Variants in CDKL4 observed in about 807,000 individuals in gnomAD.
CDKL4 encodes the protein cyclin dependent kinase like 4.
A neutral mutation model predicts 42.0 loss-of-function variants in CDKL4; 44 were observed. The ratio of observed to expected loss-of-function variants is 1.05; its 90% confidence interval spans 0.82 to 1.35. CDKL4 has a LOEUF of 1.35. Among genes scored for constraint, CDKL4 ranks in the 40% most tolerant of loss-of-function variants. The pLI is 0.00. For synonymous variants in CDKL4, 120 were observed against 121.6 expected, an observed-to-expected ratio of 0.99 and a Z score of 0.09; for missense variants, 393 against 369.9, an observed-to-expected ratio of 1.06 and a Z score of -0.51.
intron 1 of CDKL4, among the ~76,000 whole-genome samples, chr2:39,230,697 C>T (rs944319234): frequency 6.6e-6 from 1 of 152,070 alleles, no homozygotes; most frequent in African/African-American, 2.4e-5. Context: ...GTTAATATAA[C>T]CTAATAACAA....
At chr2:39,222,603 A>C (rs1287469687) in intron 3 of CDKL4, among the ~76,000 whole-genome samples, 1 of 152,058 alleles carries the variant, frequency 6.6e-6, no homozygotes, top group Non-Finnish European at 1.5e-5. Flanking sequence ...ATAAATAAAT[A>C]AATAAATAAA....
At chr2:39,212,579 T>C (rs560898960) in intron 4 of CDKL4, among the ~76,000 whole-genome samples, 1 of 151,620 alleles carries the variant, frequency 6.6e-6, no homozygotes, top group Non-Finnish European at 1.5e-5. Context: ...TAGATTGCTA[T>C]CGAGTAAAGG....
Position 39,237,700 on chromosome 2 carries a change from A to C in CDKL4, c.-57+6171T>G, listed in dbSNP as rs562213406. Among the ~76,000 whole-genome samples the C allele has an allele frequency of 1.5e-3, 232 of 152,320 alleles. 1 individual carries two copies. Among genetic ancestry groups the C allele is most frequent in the Non-Finnish European group, 2.8e-3 (190 of 68,028 alleles). The stretch of plus-strand genomic sequence containing the variant: ...GCAAGAACCCCATCTCTATAAAATA[A>C]ATAGTTATTAAATGAAGTGCTCAAT... On this transcript the variant is annotated intron_variant, in intron 1 of 9. Coordinates refer to ENST00000451199, the Ensembl canonical transcript of CDKL4.
rs1272530669 is a variant in CDKL4, at chr2:39,185,418, A to G, written c.736-771T>C. On this transcript the variant is annotated intron_variant, in intron 7 of 9. Transcript: ENST00000451199. The stretch of plus-strand genomic sequence containing the variant: ...TATATACATATGTGTATATATACAT[A>G]TATATATACATATGTATATATACAT... Among the ~76,000 whole-genome samples the G allele has an allele frequency of 2.8e-3, 54 of 19,590 alleles. 14 individuals carry two copies. The highest frequency in any genetic ancestry group is 0.016 in the South Asian group (12 of 770). The allele number at this position is 19,590 out of a possible 152,430, so 12.9% of individuals were successfully genotyped here. A position where few individuals can be genotyped will look rare whatever the true frequency, so the allele number is the denominator to read the frequency against.
chr2:39,204,453 C>G (rs561560109), intron 5 of CDKL4, 74 bp downstream of exon 5: 4 of 864,380 alleles, frequency 4.6e-6, no homozygotes, highest in Non-Finnish European at 7.8e-6. Flanking sequence ...TGTCCAATAT[C>G]CAATGTAAGA....
At chr2:39,228,602 C>T (rs1346510031) in intron 2 of CDKL4, among the ~76,000 whole-genome samples, 1 of 152,176 alleles carries the variant, frequency 6.6e-6, no homozygotes, top group African/African-American at 2.4e-5. Flanking sequence ...CCTGCGTACT[C>T]AGAAATGCAG....
At chr2:39,198,270 A>AAC (rs1298412892) in intron 5 of CDKL4, among the ~76,000 whole-genome samples, 1 of 151,732 alleles carries the variant, frequency 6.6e-6, no homozygotes, top group Non-Finnish European at 1.5e-5. Context: ...TAAAAAAAAA[A>AAC]AAACTAGTCC....
At chr2:39,221,243 G>T (rs990669426) in intron 3 of CDKL4, among the ~76,000 whole-genome samples, 1 of 151,230 alleles carries the variant, frequency 6.6e-6, no homozygotes, top group African/African-American at 2.4e-5. Flanking sequence ...TCTTGATCTC[G>T]TGACCTTGTG....
intron 7 of CDKL4, among the ~76,000 whole-genome samples, chr2:39,186,024 G>GA (rs1363532361): frequency 1.3e-5 from 2 of 152,048 alleles, no homozygotes; most frequent in South Asian, 4.1e-4. Flanking sequence ...TCAAAAGAAT[G>GA]AAAAACACAA....
chr2:39,173,812 CAAA>C (rs548800502), downstream of CDKL4, among the ~76,000 whole-genome samples: 683 of 95,232 alleles, frequency 7.2e-3, 5 homozygotes, highest in Middle Eastern at 0.02. Flanking sequence ...GACTCCATCT[CAAA>C]AAAAAAAAAA....
At chr2:39,171,290 T>G (rs1674993296), downstream of CDKL4, among the ~76,000 whole-genome samples, 1 of 151,956 alleles carries the variant, frequency 6.6e-6, no homozygotes, top group South Asian at 2.1e-4. Context: ...TTGGGAAATC[T>G]GCAAGTGCAA....
downstream of CDKL4, among the ~76,000 whole-genome samples, chr2:39,172,631 G>C (rs1675033347): frequency 2.0e-5 from 3 of 152,102 alleles, no homozygotes; most frequent in African/African-American, 7.2e-5. Context: ...GCCTAGGCTG[G>C]AGTGCAGTGG....
chr2:39,214,555 C>A (rs1677798798), intron 3 of CDKL4, among the ~76,000 whole-genome samples: 2 of 152,188 alleles, frequency 1.3e-5, no homozygotes, highest in South Asian at 2.1e-4. Flanking sequence ...GATATTTACA[C>A]AATTACCTTC....
chr2:39,184,953 T>C (rs1675635335), intron 7 of CDKL4, among the ~76,000 whole-genome samples: 1 of 151,628 alleles, frequency 6.6e-6, no homozygotes, highest in Admixed American at 6.6e-5. Context: ...TGAGCTGGTC[T>C]CAAACTTCTG....
chr2:39,206,818 T>A (rs1175079235), intron 4 of CDKL4, among the ~76,000 whole-genome samples: 1 of 152,218 alleles, frequency 6.6e-6, no homozygotes, highest in Non-Finnish European at 1.5e-5. Flanking sequence ...CAACTCCTTC[T>A]GCCTCCTTTT....
chr2:39,179,051 A>T, intron 9 of CDKL4, 136 bp downstream of exon 9: 7 of 1,498,588 alleles, frequency 4.7e-6, no homozygotes, highest in Non-Finnish European at 6.2e-6. Context: ...ACCAATATTT[A>T]TTAAGCTAGA....
At chr2:39,172,640 G>A (rs1046315571), downstream of CDKL4, among the ~76,000 whole-genome samples, 31 of 152,126 alleles carry the variant, frequency 2.0e-4, no homozygotes, top group Admixed American at 9.8e-4. Context: ...GGAGTGCAGT[G>A]GTATGATCTC....
At chr2:39,226,482 A>G (rs1253488878) in intron 2 of CDKL4, among the ~76,000 whole-genome samples, 1 of 144,440 alleles carries the variant, frequency 6.9e-6, no homozygotes, top group Admixed American at 7.1e-5. Context: ...TATATAATAT[A>G]TATTATATAT....
exon 6 of CDKL4, chr2:39,190,361 G>A (rs143032759): frequency 9.3e-6 from 15 of 1,614,140 alleles, no homozygotes; most frequent in Middle Eastern, 1.6e-4. Context: ...AGGCCACAGT[G>A]GCTGGCCTGT....
Sources: allele counts gnomAD v4.1 joint callset (sites outside exome capture counted in the v4.1 genomes callset), GRCh38; gene constraint gnomAD v4.1.1; transcripts MANE v1.5; gene names NCBI Gene and HGNC (gene_info 2026-07-23, HGNC 2026-07-21).